NTM: variants seen among roughly 807,000 people sequenced by gnomAD.
NTM encodes IgLON family member 2.
NTM carries 13 observed loss-of-function variants against 42.1 expected under a neutral mutation model. That is an observed-to-expected ratio of 0.31 (90% confidence interval 0.20 to 0.49). NTM has a LOEUF of 0.49. Ranked by LOEUF, NTM falls within the 20% of genes least tolerant of loss-of-function variation. NTM has a pLI of 0.99. For synonymous variants in NTM, 187 were observed against 179.2 expected (o/e 1.04, Z -0.35); for missense variants, 373 against 452.8 (o/e 0.82, Z 1.60).
chr11:132,230,540 C>T (rs571936487), intron 4 of NTM, among the ~76,000 whole-genome samples: 27 of 152,268 alleles, frequency 1.8e-4, no homozygotes, highest in African/African-American at 5.5e-4. Context: ...AGGGGCATAA[C>T]GATGAACCTC....
At chr11:132,135,568 C>T (rs1467112681) in intron 2 of NTM, among the ~76,000 whole-genome samples, 2 of 152,204 alleles carry the variant, frequency 1.3e-5, no homozygotes, top group Non-Finnish European at 2.9e-5. Flanking sequence ...AAAGACCCAC[C>T]AGGGTGACCA....
chr11:132,082,163 G>C (rs1016670636), intron 2 of NTM, among the ~76,000 whole-genome samples: 3 of 151,928 alleles, frequency 2.0e-5, no homozygotes, highest in African/African-American at 4.8e-5. Context: ...AAGAATTGAT[G>C]GTCCTGGGAA....
intron 1 of NTM, among the ~76,000 whole-genome samples, chr11:131,759,931 A>G (rs2083883414): frequency 6.6e-6 from 1 of 152,150 alleles, no homozygotes; most frequent in Admixed American, 6.5e-5. Flanking sequence ...GTGTTAATGA[A>G]AAAACTAAAT....
At chr11:132,211,839 G>A (rs1366121354) in intron 3 of NTM, 183 bp from the exon 4 acceptor site, 2 of 449,030 alleles carry the variant, frequency 4.5e-6, no homozygotes, top group Admixed American at 4.4e-5. Context: ...TAAATAGGAG[G>A]AAATCAAAGC....
chr11:131,697,566 C>G (rs1354023712), intron 1 of NTM, among the ~76,000 whole-genome samples: 1 of 152,188 alleles, frequency 6.6e-6, no homozygotes, highest in East Asian at 1.9e-4. Flanking sequence ...TTCTGGGTGA[C>G]TTTCCGGGAT....
chr11:131,651,974 A>T (rs1351859262), intron 1 of NTM, among the ~76,000 whole-genome samples: 1 of 152,160 alleles, frequency 6.6e-6, no homozygotes, highest in Non-Finnish European at 1.5e-5. Flanking sequence ...AGGCCCAAAC[A>T]GCCTGAGGTG....
At chr11:131,568,502 A>AC (rs2057119865) in intron 1 of NTM, among the ~76,000 whole-genome samples, 1 of 152,172 alleles carries the variant, frequency 6.6e-6, no homozygotes, top group African/African-American at 2.4e-5. Context: ...GTCTCATATG[A>AC]CGTCATAGCA....
chr11:132,085,575 C>T (rs2059601638), intron 2 of NTM, among the ~76,000 whole-genome samples: 1 of 152,200 alleles, frequency 6.6e-6, no homozygotes, highest in Non-Finnish European at 1.5e-5. Flanking sequence ...GTTTTTATTT[C>T]TCAAAGATTA....
At chr11:132,123,883 C>G (rs1241265417) in intron 2 of NTM, among the ~76,000 whole-genome samples, 1 of 152,180 alleles carries the variant, frequency 6.6e-6, no homozygotes, top group Non-Finnish European at 1.5e-5. Context: ...TCCCATCCCA[C>G]TTTCTCAGGA....
At chr11:132,019,710 T>C (rs369628746) in intron 2 of NTM, among the ~76,000 whole-genome samples, 19 of 152,240 alleles carry the variant, frequency 1.2e-4, no homozygotes, top group African/African-American at 4.3e-4. Flanking sequence ...AACCTCTTTT[T>C]AGCTTTGAAT....
At chr11:131,768,249 G>A (rs1312991847) in intron 1 of NTM, among the ~76,000 whole-genome samples, 1 of 151,546 alleles carries the variant, frequency 6.6e-6, no homozygotes, top group Non-Finnish European at 1.5e-5. Flanking sequence ...CTCCCAAGTA[G>A]CTGGGATTAT....
At chr11:132,141,895 A>T (rs535157320) in intron 2 of NTM, among the ~76,000 whole-genome samples, 4 of 152,188 alleles carry the variant, frequency 2.6e-5, no homozygotes, top group Admixed American at 6.5e-5. Flanking sequence ...AGGGATGCTG[A>T]TGGGAAAACC....
At chr11:131,830,614 T>G (rs1425545284) in intron 1 of NTM, among the ~76,000 whole-genome samples, 1 of 152,224 alleles carries the variant, frequency 6.6e-6, no homozygotes, top group Non-Finnish European at 1.5e-5. Context: ...GCCTCCAGCT[T>G]TGTTCTATTA....
chr11:131,736,255 C>T (rs781592605), intron 1 of NTM, among the ~76,000 whole-genome samples: 33 of 152,170 alleles, frequency 2.2e-4, no homozygotes, highest in African/African-American at 7.2e-4. Flanking sequence ...GTTAGTTCTA[C>T]GCCATCAAGC....
chr11:131,493,840 A>G lies in NTM; in HGVS notation c.82+122952A>G, dbSNP rs565698568. On this transcript the variant is annotated intron_variant, in intron 1 of 8. Coordinates refer to ENST00000683400, the MANE Select transcript of NTM (RefSeq NM_001352005.2). ...TTCATTTTCTATTCCATCAAGGCTGAGAACTCACTATCATGTTCACAGCAT... is the reference window on the plus strand; with the variant it reads ...TTCATTTTCTATTCCATCAAGGCTGGGAACTCACTATCATGTTCACAGCAT... Among the ~76,000 whole-genome samples, 277 of 152,330 alleles carry G rather than the reference A, an allele frequency of 1.8e-3. 2 individuals are homozygous for G. The highest frequency in any genetic ancestry group is 4.8e-3 in the African/African-American group (198 of 41,574).
chr11:132,298,588 G>T (rs961422828), intron 4 of NTM, among the ~76,000 whole-genome samples: 1 of 151,488 alleles, frequency 6.6e-6, no homozygotes, highest in Admixed American at 6.6e-5. Flanking sequence ...GGGAAGGGAT[G>T]GGCCTCAGAA....
At chr11:132,133,549 A>G (rs1042811514) in intron 2 of NTM, among the ~76,000 whole-genome samples, 1 of 152,128 alleles carries the variant, frequency 6.6e-6, no homozygotes, top group African/African-American at 2.4e-5. Flanking sequence ...AGGTCGGGGG[A>G]TGGCTGTGAG....
At chr11:132,106,619 T>A (rs2062407172) in intron 2 of NTM, among the ~76,000 whole-genome samples, 1 of 152,246 alleles carries the variant, frequency 6.6e-6, no homozygotes, top group Non-Finnish European at 1.5e-5. Flanking sequence ...TTCCTCTGTC[T>A]TTGGCATCCC....
rs71067347 is a variant in NTM, at chr11:131,929,449, G to GT, written c.167+17813dup. Among the ~76,000 whole-genome samples, 548 of 148,058 alleles carry GT rather than the reference G, an allele frequency of 3.7e-3. 3 individuals carry two copies. Among genetic ancestry groups the GT allele is most frequent in the African/African-American group, 5.2e-3 (209 of 40,344 alleles). On this transcript the variant is annotated intron_variant, in intron 2 of 8. Coordinates refer to ENST00000683400, the MANE Select transcript of NTM (RefSeq NM_001352005.2). ...CAGTTTGAGCTGCTGCATGTTAGCA[G>GT]TTTTTTTTTTTTAATTTTTTATTTT...
Sources: gnomAD v4.1 joint callset for allele counts (sites outside exome capture counted in the v4.1 genomes callset) on GRCh38, gnomAD v4.1.1 for gene constraint, MANE v1.5 for transcripts, NCBI Gene and HGNC (gene_info 2026-07-23, HGNC 2026-07-21) for gene names.